GRIP1: variants seen among roughly 807,000 people sequenced by gnomAD.
GRIP1 encodes the protein glutamate receptor-interacting protein 1.
In GRIP1, 45 loss-of-function variants were observed where a neutral mutation model predicts 129.9. The ratio of observed to expected loss-of-function variants is 0.35; its 90% CI spans 0.27 to 0.44. The LOEUF (loss-of-function observed/expected upper bound fraction) is 0.44. Among genes scored for constraint, GRIP1 ranks in the 20% least tolerant of loss-of-function variants. The probability of loss-of-function intolerance (pLI) is 1.00; values close to 1 mark genes in which losing one functional copy is unlikely to be tolerated. For synonymous variants in GRIP1, 530 were observed against 520.8 expected (o/e 1.02, Z -0.24); for missense variants, 1,196 against 1,396.8 (o/e 0.86, Z 2.29).
At chr12:66,812,316 G>A (rs1396875303) in intron 1 of GRIP1, among the ~76,000 whole-genome samples, 2 of 152,110 alleles carry the variant, frequency 1.3e-5, no homozygotes, top group Non-Finnish European at 2.9e-5. Flanking sequence ...TGTATTTTTA[G>A]TAGAGATGGG....
At chr12:66,798,346 A>G (rs1363934663) in intron 1 of GRIP1, among the ~76,000 whole-genome samples, 6 of 152,196 alleles carry the variant, frequency 3.9e-5, no homozygotes, top group Admixed American at 3.9e-4. Context: ...AGGAGGCATG[A>G]AATCTTATTG....
intron 1 of GRIP1, among the ~76,000 whole-genome samples, chr12:66,873,226 A>G (rs181778138): frequency 5.3e-5 from 8 of 152,218 alleles, no homozygotes; most frequent in Non-Finnish European, 8.8e-5. Context: ...TAATACCAGC[A>G]TACTTCTATT....
intron 1 of GRIP1, among the ~76,000 whole-genome samples, chr12:66,690,371 T>TAC (rs112206335): frequency 0.29 from 42,318 of 147,674 alleles, 5,975 homozygotes; most frequent in East Asian, 0.38. Flanking sequence ...TCAATAATAT[T>TAC]ACACACACAC....
At chr12:66,362,256 T>C (rs2054821136) in intron 23 of GRIP1, among the ~76,000 whole-genome samples, 1 of 149,916 alleles carries the variant, frequency 6.7e-6, no homozygotes, top group African/African-American at 2.5e-5. Flanking sequence ...TGGGTTCAAG[T>C]GATTCTCCTG....
At chr12:66,640,501 C>T (rs2031823659) in intron 1 of GRIP1, among the ~76,000 whole-genome samples, 1 of 152,154 alleles carries the variant, frequency 6.6e-6, no homozygotes, top group African/African-American at 2.4e-5. Context: ...GAAGAAAAGA[C>T]TCAAACGATG....
intron 1 of GRIP1, among the ~76,000 whole-genome samples, chr12:66,897,736 AGTGATTTCTTTTT>A (rs1344276575): frequency 2.5e-4 from 38 of 152,354 alleles, no homozygotes; most frequent in Non-Finnish European, 4.4e-4. Flanking sequence ...TGTTTAGACC[AGTGATTTCTTTTT>A]GTGAATTCTA....
intron 1 of GRIP1, among the ~76,000 whole-genome samples, chr12:66,777,282 T>C (rs1242207647): frequency 6.6e-6 from 1 of 152,066 alleles, no homozygotes; most frequent in Non-Finnish European, 1.5e-5. Context: ...GCTCCTCAAA[T>C]GTGACAGGTA....
Position 66,602,848 on chromosome 12 carries a change from C to CTTTTTTTTT in GRIP1, c.56-5930_56-5922dup, listed in dbSNP as rs71436016. 7.4e-4 allele frequency among the ~76,000 whole-genome samples: 53 copies of CTTTTTTTTT among 71,660 alleles called. 9 individuals are homozygous for CTTTTTTTTT. Among genetic ancestry groups the CTTTTTTTTT allele is most frequent in the East Asian group, 1.0e-3 (2 of 1,974 alleles). The allele number at this position is 71,660 out of a possible 152,430, so 47.0% of individuals were successfully genotyped here. A position where few individuals can be genotyped will look rare whatever the true frequency, so the allele number is the denominator to read the frequency against. ...ATTCCTAAAGGGACCAGATCTTTTGCTTTTTTTTTTTTTTTTTTTTTTTTT... is the reference window on the plus strand; with the variant it reads ...ATTCCTAAAGGGACCAGATCTTTTGCTTTTTTTTTTTTTTTTTTTTTTTTTTTTTTTTTT... On this transcript the variant is annotated intron_variant, in intron 1 of 24. Transcript: ENST00000359742.
intron 2 of GRIP1, among the ~76,000 whole-genome samples, chr12:66,585,343 A>G (rs1799674267): frequency 7.6e-6 from 1 of 132,364 alleles, no homozygotes; most frequent in South Asian, 2.6e-4. Context: ...ATGAGTGAGA[A>G]TATGCGGTGT....
At chr12:66,410,303 C>T (rs6581682) in intron 15 of GRIP1, among the ~76,000 whole-genome samples, 98,464 of 136,566 alleles carry the variant, frequency 0.72, 36,033 homozygotes, top group Non-Finnish European at 0.8. Context: ...GGAGACAGGA[C>T]ATTTGAAAAT....
chr12:66,447,043 C>T (rs2058650086), intron 11 of GRIP1, among the ~76,000 whole-genome samples: 1 of 152,140 alleles, frequency 6.6e-6, no homozygotes, highest in Non-Finnish European at 1.5e-5. Flanking sequence ...ATAAGGGATG[C>T]CTTTGTATTC....
At chr12:66,428,355 T>C (rs1324427574) in intron 14 of GRIP1, among the ~76,000 whole-genome samples, 1 of 152,160 alleles carries the variant, frequency 6.6e-6, no homozygotes, top group Non-Finnish European at 1.5e-5. Context: ...AAATATACTT[T>C]AAAACTTAGG....
intron 1 of GRIP1, among the ~76,000 whole-genome samples, chr12:66,729,126 G>C (rs2036348744): frequency 1.3e-5 from 2 of 151,406 alleles, no homozygotes; most frequent in Non-Finnish European, 1.5e-5. Flanking sequence ...AGACTCAAGT[G>C]ATCTTCCCAC....
chr12:66,582,207 C>A lies in GRIP1; in HGVS notation c.136+14640G>T, dbSNP rs199929379. Among the ~76,000 whole-genome samples the A allele has an allele frequency of 3.1e-4, 46 of 147,650 alleles. 1 individual carries two copies. The highest frequency in any genetic ancestry group is 8.0e-4 in the African/African-American group (32 of 40,168). On this transcript the variant is annotated intron_variant, in intron 2 of 24. Transcript: ENST00000359742. ...AAGGCCTTTGACAAAATTCAACAAC[C>A]CTTCATGCTAAAAACACTCAATAAA...
upstream of GRIP1, among the ~76,000 whole-genome samples, chr12:66,680,420 CT>C (rs1256952508): frequency 6.6e-6 from 1 of 152,126 alleles, no homozygotes; most frequent in East Asian, 1.9e-4. Flanking sequence ...TAAGCATCTA[CT>C]TTAAAGGTTT....
chr12:66,755,627 T>C (rs1210828324), intron 1 of GRIP1, among the ~76,000 whole-genome samples: 1 of 152,176 alleles, frequency 6.6e-6, no homozygotes, highest in Non-Finnish European at 1.5e-5. Flanking sequence ...GTGTTGAATG[T>C]TCTCTTGAGG....
intron 1 of GRIP1, among the ~76,000 whole-genome samples, chr12:66,879,566 G>T (rs1265980772): frequency 6.6e-6 from 1 of 152,016 alleles, no homozygotes; most frequent in African/African-American, 2.4e-5. Flanking sequence ...ACAGCACTCA[G>T]AATCGCCTCT....
At chr12:66,768,219 C>T (rs556902179) in intron 1 of GRIP1, among the ~76,000 whole-genome samples, 15 of 152,174 alleles carry the variant, frequency 9.9e-5, no homozygotes, top group Admixed American at 4.6e-4. Context: ...GCATGTCTTC[C>T]ACCAGCAAAT....
At chr12:66,582,210 T>A (rs1363134331) in intron 2 of GRIP1, among the ~76,000 whole-genome samples, 1 of 149,552 alleles carries the variant, frequency 6.7e-6, no homozygotes, top group Non-Finnish European at 1.5e-5. Context: ...CAACAACCCT[T>A]CATGCTAAAA....
Sources: gnomAD v4.1 joint callset for allele counts (sites outside exome capture counted in the v4.1 genomes callset) on GRCh38, gnomAD v4.1.1 for gene constraint, MANE v1.5 for transcripts, NCBI Gene and HGNC (gene_info 2026-07-23, HGNC 2026-07-21) for gene names.